Variants in RPTOR observed in about 807,000 individuals in gnomAD.
RPTOR encodes regulatory associated protein of MTOR complex 1.
Under a neutral mutation model 169.9 loss-of-function variants are expected in RPTOR, and 21 were observed. That is an observed-to-expected ratio of 0.12 (90% CI 0.09 to 0.18). RPTOR has a LOEUF of 0.18. Ranked by LOEUF, RPTOR falls within the 10% of genes least tolerant of loss-of-function variation. The pLI is 1.00. For missense variants in RPTOR, 1,133 were observed against 1,855.9 expected, an observed-to-expected ratio of 0.61 and a Z score of 7.16; for synonymous variants, 732 against 753.2, an observed-to-expected ratio of 0.97 and a Z score of 0.46.
intron 1 of RPTOR, among the ~76,000 whole-genome samples, chr17:80,617,896 C>A (rs931810953): frequency 3.3e-5 from 5 of 152,184 alleles, no homozygotes; most frequent in Non-Finnish European, 7.3e-5. Flanking sequence ...CGCACCAGGG[C>A]TGACCATTTG....
At chr17:80,582,694 C>T (rs528743578) in intron 1 of RPTOR, among the ~76,000 whole-genome samples, 4 of 151,652 alleles carry the variant, frequency 2.6e-5, no homozygotes, top group Admixed American at 6.6e-5. Context: ...TACAGGCGCC[C>T]GCCACCATGC....
chr17:80,779,088 C>T (rs962538400), intron 6 of RPTOR, among the ~76,000 whole-genome samples: 3 of 152,162 alleles, frequency 2.0e-5, no homozygotes, highest in East Asian at 1.9e-4. Flanking sequence ...GAAACACAGC[C>T]GTGGGCTGAG....
intron 3 of RPTOR, among the ~76,000 whole-genome samples, chr17:80,687,236 C>T (rs2065955402): frequency 1.3e-5 from 2 of 152,232 alleles, no homozygotes; most frequent in South Asian, 4.1e-4. Context: ...CAGCCTGGTT[C>T]ACGTTTGCTC....
At chr17:80,864,511 AG>A (rs1437301818) in intron 13 of RPTOR, among the ~76,000 whole-genome samples, 2 of 151,468 alleles carry the variant, frequency 1.3e-5, no homozygotes, top group Non-Finnish European at 3.0e-5. Context: ...ACAGAGAAAG[AG>A]AAAAAACTGT....
At chr17:80,886,803 A>G (rs762390636) in intron 17 of RPTOR, among the ~76,000 whole-genome samples, 4 of 151,998 alleles carry the variant, frequency 2.6e-5, no homozygotes, top group African/African-American at 4.8e-5. Context: ...GGTGCTGCCA[A>G]CCGGGACGCA....
At chr17:80,864,680 AAC>A (rs2067966935) in intron 13 of RPTOR, among the ~76,000 whole-genome samples, 1 of 152,246 alleles carries the variant, frequency 6.6e-6, no homozygotes, top group Admixed American at 6.5e-5. Context: ...TTCAGAGGGA[AAC>A]ACGGTTCTAC....
At chr17:80,712,526 T>G (rs1177947174) in intron 4 of RPTOR, among the ~76,000 whole-genome samples, 1 of 152,232 alleles carries the variant, frequency 6.6e-6, no homozygotes, top group Admixed American at 6.5e-5. Flanking sequence ...TACTGAGCAA[T>G]ACTCTACTGT....
intron 4 of RPTOR, among the ~76,000 whole-genome samples, chr17:80,712,862 G>T (rs2066206982): frequency 6.6e-6 from 1 of 152,130 alleles, no homozygotes; most frequent in African/African-American, 2.4e-5. Flanking sequence ...TAGCCATTCT[G>T]GTGGGTATGT....
chr17:80,617,214 T>C (rs1343799433), intron 1 of RPTOR, among the ~76,000 whole-genome samples: 1 of 152,230 alleles, frequency 6.6e-6, no homozygotes, highest in Non-Finnish European at 1.5e-5. Flanking sequence ...ATCTTGTGTT[T>C]TCATTTGGTA....
chr17:80,843,507 T>C (rs1015850216), intron 10 of RPTOR, among the ~76,000 whole-genome samples: 2 of 152,016 alleles, frequency 1.3e-5, no homozygotes, highest in Non-Finnish European at 2.9e-5. Context: ...GCTAATTGAC[T>C]TTCTTAGGGG....
intron 3 of RPTOR, among the ~76,000 whole-genome samples, chr17:80,658,098 C>A (rs2065693630): frequency 6.6e-6 from 1 of 152,204 alleles, no homozygotes. Flanking sequence ...ACCCACCCCC[C>A]TTTACTTTGC....
At chr17:80,946,085 G>A (rs796977919) in intron 26 of RPTOR, among the ~76,000 whole-genome samples, 8 of 152,156 alleles carry the variant, frequency 5.3e-5, no homozygotes, top group African/African-American at 1.2e-4. Context: ...GCGTACACAG[G>A]GGGGCCAGCT....
chr17:80,805,279 T>G (rs896249466), intron 7 of RPTOR: 2 of 152,260 alleles, frequency 1.3e-5, no homozygotes, highest in Non-Finnish European at 2.9e-5. Flanking sequence ...AAGCTCACCC[T>G]CCTCCCCTCC....
At chr17:80,744,271 C>T (rs370343865) in intron 5 of RPTOR, among the ~76,000 whole-genome samples, 2 of 67,986 alleles carry the variant, frequency 2.9e-5, no homozygotes, top group Admixed American at 3.0e-4. Context: ...ACTAGCACAG[C>T]CCTGGTTACT....
At chr17:80,572,767 C>T (rs866716271) in intron 1 of RPTOR, among the ~76,000 whole-genome samples, 6 of 152,222 alleles carry the variant, frequency 3.9e-5, no homozygotes, top group Middle Eastern at 3.4e-3. Flanking sequence ...TCTTTCCACT[C>T]GGAGGCTTGT....
intron 13 of RPTOR, among the ~76,000 whole-genome samples, chr17:80,872,458 C>T (rs1202674810): frequency 6.6e-6 from 1 of 152,200 alleles, no homozygotes; most frequent in Non-Finnish European, 1.5e-5. Flanking sequence ...CTGGGCCACC[C>T]AGCTGTCCCA....
intron 6 of RPTOR, among the ~76,000 whole-genome samples, chr17:80,762,396 G>T (rs2066745106): frequency 6.6e-6 from 1 of 152,202 alleles, no homozygotes; most frequent in Admixed American, 6.5e-5. Flanking sequence ...GGCCGGAGGA[G>T]ACAGTGGAGC....
At chr17:80,607,117 T>A (rs1599596811) in intron 1 of RPTOR, among the ~76,000 whole-genome samples, 1 of 152,186 alleles carries the variant, frequency 6.6e-6, no homozygotes, top group South Asian at 2.1e-4. Flanking sequence ...ACTTTTTTTT[T>A]TGAAGAGGAG....
At chr17:80,635,883 G>T (rs1158011064) in intron 2 of RPTOR, among the ~76,000 whole-genome samples, 1 of 152,072 alleles carries the variant, frequency 6.6e-6, no homozygotes, top group Admixed American at 6.5e-5. Context: ...GTTGGGGCTG[G>T]GCTCAGTGAT....
Sources: gnomAD v4.1 joint callset for allele counts (sites outside exome capture counted in the v4.1 genomes callset) on GRCh38, gnomAD v4.1.1 for gene constraint, MANE v1.5 for transcripts, NCBI Gene and HGNC (gene_info 2026-07-23, HGNC 2026-07-21) for gene names.